ADAMTS19: variants seen among roughly 807,000 people sequenced by gnomAD.
ADAMTS19 encodes the protein A disintegrin and metalloproteinase with thrombospondin motifs 19.
In ADAMTS19, 93 loss-of-function variants were observed where a neutral mutation model predicts 153.3. The ratio of observed to expected loss-of-function variants is 0.61; its 90% confidence interval spans 0.51 to 0.72. The LOEUF (loss-of-function observed/expected upper bound fraction) is 0.72. ADAMTS19 is among the 30% of genes least tolerant of loss of function. ADAMTS19 has a pLI of 0.00. For synonymous variants in ADAMTS19, 600 were observed against 556.6 expected (o/e 1.08, Z -1.10); for missense variants, 1,482 against 1,552.1 (o/e 0.95, Z 0.76).
intron 6 of ADAMTS19, among the ~76,000 whole-genome samples, chr5:129,533,294 T>C (rs1752280995): frequency 6.6e-6 from 1 of 152,176 alleles, no homozygotes. Flanking sequence ...CATATATTGC[T>C]TTGGATACAT....
intron 3 of ADAMTS19, among the ~76,000 whole-genome samples, chr5:129,511,718 TG>T (rs200535595): frequency 0.013 from 1,970 of 151,682 alleles, 41 homozygotes; most frequent in African/African-American, 0.045. Flanking sequence ...GAGTCCAGGT[TG>T]AGATAATGGA....
intron 2 of ADAMTS19, among the ~76,000 whole-genome samples, chr5:129,496,560 T>G (rs1040322875): frequency 6.6e-6 from 1 of 151,916 alleles, no homozygotes; most frequent in Non-Finnish European, 1.5e-5. Context: ...TCTAGGGGTA[T>G]GTAGGAGGTT....
chr5:129,475,179 C>A (rs1047496186), intron 2 of ADAMTS19, among the ~76,000 whole-genome samples: 3 of 151,648 alleles, frequency 2.0e-5, no homozygotes, highest in African/African-American at 7.3e-5. Context: ...GTCACAAGGA[C>A]TTCCTCCTGT....
intron 8 of ADAMTS19, among the ~76,000 whole-genome samples, chr5:129,610,997 T>A (rs1198694676): frequency 8.5e-5 from 13 of 152,200 alleles, no homozygotes; most frequent in Admixed American, 8.5e-4. Flanking sequence ...TGGTGTGAGA[T>A]GGTATCTCAT....
intron 6 of ADAMTS19, among the ~76,000 whole-genome samples, chr5:129,549,746 A>G (rs572067069): frequency 6.0e-5 from 9 of 150,820 alleles, no homozygotes; most frequent in Non-Finnish European, 1.3e-4. Flanking sequence ...AAAATTAAAT[A>G]TACATTTCTA....
At chr5:129,575,061 T>C (rs980313181) in intron 7 of ADAMTS19, among the ~76,000 whole-genome samples, 1 of 152,018 alleles carries the variant, frequency 6.6e-6, no homozygotes, top group Admixed American at 6.6e-5. Flanking sequence ...GTAGGTATAA[T>C]TGCTTTGAAA....
intron 2 of ADAMTS19, among the ~76,000 whole-genome samples, chr5:129,486,745 AAAATAAAT>A (rs3059618): frequency 7.9e-5 from 12 of 152,132 alleles, no homozygotes; most frequent in Admixed American, 3.3e-4. Flanking sequence ...AACAATAAGC[AAAATAAAT>A]AAATAAATAA....
intron 16 of ADAMTS19, among the ~76,000 whole-genome samples, chr5:129,675,059 G>T (rs1429435984): frequency 6.6e-6 from 1 of 152,040 alleles, no homozygotes; most frequent in Non-Finnish European, 1.5e-5. Flanking sequence ...TTCTTTCTCT[G>T]AATGTGATAT....
intron 6 of ADAMTS19, among the ~76,000 whole-genome samples, chr5:129,538,568 G>T (rs1351537087): frequency 1.3e-5 from 2 of 151,852 alleles, no homozygotes; most frequent in Non-Finnish European, 1.5e-5. Flanking sequence ...TGCAACACAA[G>T]AATTCTATTA....
chr5:129,649,098 G>GTCCATAATTATA (rs1753200110), intron 13 of ADAMTS19, 128 bp downstream of exon 13: 1 of 883,584 alleles, frequency 1.1e-6, no homozygotes, highest in Non-Finnish European at 1.7e-6. Flanking sequence ...TTTTCTACCT[G>GTCCATAATTATA]TATGGACATA....
chr5:129,524,677 T>G (rs967353934), intron 3 of ADAMTS19, among the ~76,000 whole-genome samples: 1 of 151,088 alleles, frequency 6.6e-6, no homozygotes, highest in Non-Finnish European at 1.5e-5. Flanking sequence ...AAGACATTTA[T>G]GCAGCCAGTG....
At chr5:129,485,846 C>T (rs1424177791) in intron 2 of ADAMTS19, among the ~76,000 whole-genome samples, 1 of 152,002 alleles carries the variant, frequency 6.6e-6, no homozygotes, top group Non-Finnish European at 1.5e-5. Flanking sequence ...GGCTGGAATG[C>T]AGTGGTTGAT....
intron 8 of ADAMTS19, among the ~76,000 whole-genome samples, chr5:129,601,181 T>C (rs1750633306): frequency 6.6e-6 from 1 of 152,294 alleles, no homozygotes. Flanking sequence ...CAGGAGTTAT[T>C]ATTTTTCTGG....
In ADAMTS19 at chr5:129,490,268, A is replaced by G. The variant is rs565808361; in HGVS notation, c.748-18809A>G. On this transcript the variant is annotated intron_variant, in intron 2 of 22. Transcript: ENST00000274487. Reference sequence around the variant, plus strand: ...TCTAACAGGACTCTAATGCTTCCCCATTCTCTTACAGATAAGTGATATAGT... The same window carrying G: ...TCTAACAGGACTCTAATGCTTCCCCGTTCTCTTACAGATAAGTGATATAGT... 8.7e-4 allele frequency among the ~76,000 whole-genome samples: 132 copies of G among 152,242 alleles called. 2 individuals are homozygous for G. Among genetic ancestry groups the G allele is most frequent in the Non-Finnish European group, 8.8e-5 (6 of 68,010 alleles).
At chr5:129,520,771 ATTG>A (rs1356132842) in intron 3 of ADAMTS19, among the ~76,000 whole-genome samples, 3 of 152,094 alleles carry the variant, frequency 2.0e-5, no homozygotes, top group Non-Finnish European at 4.4e-5. Context: ...AAGTTGTAAA[ATTG>A]TTGTATTTTA....
rs193238940 is a variant in ADAMTS19, at chr5:129,680,045, A to T, written c.2664+124A>T. 1,593 of 1,130,166 alleles carry T rather than the reference A, an allele frequency of 1.4e-3. 2 individuals are homozygous for T. The highest frequency in any genetic ancestry group is 1.6e-3 in the Non-Finnish European group (1,373 of 837,462). The allele number at this position is 1,130,166 out of a possible 1,614,324, so 70.0% of individuals were successfully genotyped here. Reference sequence around the variant, plus strand: ...ACACAGACATTTAAAATTATTTAAAAAGTGGAATTTTTAGAGGTTTTGTAA... The same window carrying T: ...ACACAGACATTTAAAATTATTTAAATAGTGGAATTTTTAGAGGTTTTGTAA... On this transcript the variant is annotated intron_variant, in intron 17 of 22. Transcript: ENST00000274487.
At chr5:129,704,508 T>C (rs1005717652) in intron 21 of ADAMTS19, 117 bp downstream of exon 21, 4 of 1,179,062 alleles carry the variant, frequency 3.4e-6, no homozygotes, top group South Asian at 1.7e-5. Context: ...TTAAACATCA[T>C]GGGATATGGG....
At chr5:129,674,057 C>T (rs975293359) in intron 16 of ADAMTS19, among the ~76,000 whole-genome samples, 10 of 151,886 alleles carry the variant, frequency 6.6e-5, no homozygotes, top group African/African-American at 2.2e-4. Context: ...ATGATAAAAC[C>T]CTGTCTCTAC....
At chr5:129,515,299 T>C (rs755041595) in intron 3 of ADAMTS19, among the ~76,000 whole-genome samples, 14 of 151,882 alleles carry the variant, frequency 9.2e-5, no homozygotes, top group Non-Finnish European at 2.1e-4. Flanking sequence ...ATATAAGTTT[T>C]AGGACTGTTT....
Sources: gnomAD v4.1 joint callset for allele counts (sites outside exome capture counted in the v4.1 genomes callset) on GRCh38, gnomAD v4.1.1 for gene constraint, MANE v1.5 for transcripts, NCBI Gene and HGNC (gene_info 2026-07-23, HGNC 2026-07-21) for gene names.